Variants in NBEA observed in about 807,000 individuals in gnomAD.
The protein encoded by NBEA is lysosomal-trafficking regulator 2.
Under a neutral mutation model 343.4 loss-of-function variants are expected in NBEA, and 44 were observed. That is an observed-to-expected ratio of 0.13 (90% CI 0.10 to 0.16). The LOEUF (loss-of-function observed/expected upper bound fraction) is 0.16. Among genes scored for constraint, NBEA ranks in the 10% least tolerant of loss-of-function variants. The probability of loss-of-function intolerance (pLI) is 1.00; values close to 1 mark genes in which losing one functional copy is unlikely to be tolerated. For synonymous variants in NBEA, 1,175 were observed against 1,238.7 expected (o/e 0.95, Z 1.08); for missense variants, 2,555 against 3,631.3 (o/e 0.70, Z 7.62).
intron 31 of NBEA, among the ~76,000 whole-genome samples, chr13:35,200,351 G>A (rs890700877): frequency 1.3e-5 from 2 of 149,818 alleles, no homozygotes; most frequent in South Asian, 2.1e-4. Context: ...TTATATATCT[G>A]CATGCTTTTT....
rs538663940 is a variant in NBEA, at chr13:35,667,923, A to G, written c.8661+353A>G. Among the ~76,000 whole-genome samples the G allele has an allele frequency of 9.8e-5, 15 of 152,310 alleles. No individual in the cohort carries two copies. The South Asian group carries it at 2.9e-3, about 29-fold the overall frequency. ...TTCTATCTCTAGAACCCTAAACAAA[A>G]ATTACATATACCCATTTGCCCTTCA... On this transcript the variant is annotated intron_variant, in intron 57 of 58. Transcript: ENST00000379939.
At chr13:35,292,582 T>A (rs1391062528) in intron 35 of NBEA, among the ~76,000 whole-genome samples, 1 of 151,874 alleles carries the variant, frequency 6.6e-6, no homozygotes, top group Non-Finnish European at 1.5e-5. Context: ...AGCTGCAGAG[T>A]TCTGAGTTCT....
intron 55 of NBEA, among the ~76,000 whole-genome samples, chr13:35,657,277 G>A (rs2084857048): frequency 6.6e-6 from 1 of 152,210 alleles, no homozygotes; most frequent in Admixed American, 6.5e-5. Flanking sequence ...ATGCCTCTTG[G>A]CATAGCTACT....
At chr13:35,143,700 A>T (rs543894872) in intron 18 of NBEA, among the ~76,000 whole-genome samples, 3 of 152,092 alleles carry the variant, frequency 2.0e-5, no homozygotes, top group African/African-American at 7.2e-5. Flanking sequence ...AGAAAGGGAG[A>T]TGCTAAGCTT....
rs761636221 is a variant in NBEA, at chr13:35,159,971, C to G, written c.3800C>G (p.Ser1267Cys). ...AGTATAATTTCAGATACTGAAAGGT[C>G]TGACGATGGCAAAGAATCAGGAAAA... ...AGSIISDTERSDDGKESGKEI... is the reference protein window; with the variant it reads ...AGSIISDTERCDDGKESGKEI... The change falls in exon 22 of 59, where the codon TCT becomes TGT. Residue 1267 changes from serine (S) to cysteine (C), a missense_variant. This residue lies in a region of NBEA where 367 missense variants were observed against 377.5 expected (regional missense o/e 0.97). Coordinates refer to ENST00000379939, the MANE Select transcript of NBEA (RefSeq NM_001385012.1). 6.3e-7 allele frequency: 1 copy of G among 1,592,010 alleles called. No individual in the cohort carries two copies. The highest frequency in any genetic ancestry group is 8.5e-7 in the Non-Finnish European group (1 of 1,169,824).
At chr13:35,623,342 G>A (rs1433563460) in intron 48 of NBEA, among the ~76,000 whole-genome samples, 2 of 152,198 alleles carry the variant, frequency 1.3e-5, no homozygotes, top group Admixed American at 1.3e-4. Context: ...TTCAGCTTTA[G>A]ACAAGTTGTT....
rs146974012 is a variant in NBEA at position 34,954,733 on chromosome 13, A to G, written c.294+11619A>G. 3.3e-3 allele frequency among the ~76,000 whole-genome samples: 496 copies of G among 152,310 alleles called. 2 individuals carry two copies. The highest frequency in any genetic ancestry group is 0.011 in the African/African-American group (470 of 41,550). ...AATGAATATCTTCTCATATACTTCA[A>G]ATCATCTCCAGATTACTTATAATAC... On this transcript the variant is annotated intron_variant, in intron 1 of 58. Transcript: ENST00000379939.
chr13:35,031,746 A>G (rs1400517430), intron 1 of NBEA, among the ~76,000 whole-genome samples: 2 of 151,558 alleles, frequency 1.3e-5, no homozygotes, highest in South Asian at 2.1e-4. Context: ...TCACTCGGTT[A>G]TGTATTAAGC....
chr13:35,661,117 G>A (rs139888845), intron 55 of NBEA, among the ~76,000 whole-genome samples: 324 of 152,270 alleles, frequency 2.1e-3, no homozygotes, highest in African/African-American at 7.6e-3. Context: ...TGGGACTAAG[G>A]CTTCAAGAAA....
chr13:35,099,252 G>A (rs1330309693), intron 11 of NBEA, among the ~76,000 whole-genome samples: 31 of 139,978 alleles, frequency 2.2e-4, no homozygotes, highest in African/African-American at 7.2e-4. Flanking sequence ...AGGCTGGAGT[G>A]CACTGGCTCA....
At chr13:35,322,374 T>C (rs1362957448) in intron 36 of NBEA, among the ~76,000 whole-genome samples, 1 of 152,126 alleles carries the variant, frequency 6.6e-6, no homozygotes, top group East Asian at 1.9e-4. Flanking sequence ...CCCTTGTGCT[T>C]CCCAGGTGAG....
intron 38 of NBEA, among the ~76,000 whole-genome samples, chr13:35,387,465 A>G (rs572341209): frequency 1.6e-4 from 24 of 152,230 alleles, no homozygotes; most frequent in African/African-American, 4.8e-4. Context: ...TATATGGTCA[A>G]TAGTAACTTG....
Position 35,424,430 on chromosome 13 carries a change from T to G in NBEA, c.6180-7839T>G, listed in dbSNP as rs138340039. On this transcript the variant is annotated intron_variant, in intron 38 of 58. Transcript: ENST00000379939. ...ATCATTTGGTTTTTGTCTTTGGTTC[T>G]GTTTATATGCTGGATTACATTTATT... Among the ~76,000 whole-genome samples, 1,155 of 152,374 alleles carry G rather than the reference T, an allele frequency of 7.6e-3. 19 individuals carry two copies. The highest frequency in any genetic ancestry group is 0.026 in the African/African-American group (1,100 of 41,594).
At chr13:35,325,663 T>C (rs2038504095) in intron 36 of NBEA, among the ~76,000 whole-genome samples, 1 of 152,028 alleles carries the variant, frequency 6.6e-6, no homozygotes, top group African/African-American at 2.4e-5. Context: ...ATGAAAAAGG[T>C]AATGATTCTC....
intron 30 of NBEA, among the ~76,000 whole-genome samples, chr13:35,191,657 T>C (rs1221153904): frequency 6.6e-6 from 1 of 152,088 alleles, no homozygotes; most frequent in Non-Finnish European, 1.5e-5. Context: ...GTAAGTTAGT[T>C]ACATATAGCT....
Position 35,417,988 on chromosome 13 carries a change from T to C in NBEA, c.6180-14281T>C, listed in dbSNP as rs141394628. On this transcript the variant is annotated intron_variant, in intron 38 of 58. Transcript: ENST00000379939. The stretch of plus-strand genomic sequence containing the variant: ...CTTGTTGAATTGATCCCTTTACCAT[T>C]ATGTAATGACCTTCTTTGTCTCTTT... 1.6e-3 allele frequency among the ~76,000 whole-genome samples: 243 copies of C among 152,324 alleles called. 2 individuals are homozygous for C. Among genetic ancestry groups the C allele is most frequent in the African/African-American group, 5.2e-3 (216 of 41,576 alleles).
At chr13:35,590,091 A>G (rs9315361) in intron 46 of NBEA, among the ~76,000 whole-genome samples, 44,966 of 151,942 alleles carry the variant, frequency 0.3, 6,898 homozygotes, top group South Asian at 0.33. Flanking sequence ...ATTGACAGGT[A>G]GTAGGCAAAT....
intron 1 of NBEA, among the ~76,000 whole-genome samples, chr13:34,960,761 A>G (rs1385753007): frequency 1.3e-5 from 2 of 152,082 alleles, no homozygotes; most frequent in Non-Finnish European, 2.9e-5. Flanking sequence ...TGTTCCATCT[A>G]AGTTTGTCTA....
Position 35,300,197 on chromosome 13 carries a change from G to A in NBEA, c.5839-9331G>A, listed in dbSNP as rs566395156. Reference sequence around the variant, plus strand: ...AAATTAGCCGGGCATAGTGGTGCACGCCTGTAGTCCCAGCCACTCAGGAGG... The same window carrying A: ...AAATTAGCCGGGCATAGTGGTGCACACCTGTAGTCCCAGCCACTCAGGAGG... On this transcript the variant is annotated intron_variant, in intron 35 of 58. Coordinates refer to ENST00000379939, the MANE Select transcript of NBEA (RefSeq NM_001385012.1). Among the ~76,000 whole-genome samples the A allele has an allele frequency of 4.1e-4, 62 of 152,156 alleles. 1 individual carries two copies. The highest frequency in any genetic ancestry group is 1.4e-3 in the African/African-American group (59 of 41,504).
Sources: allele counts gnomAD v4.1 joint callset (sites outside exome capture counted in the v4.1 genomes callset), GRCh38; gene constraint gnomAD v4.1.1; regional missense constraint gnomAD v4.1.1; transcripts MANE v1.5; gene names NCBI Gene and HGNC (gene_info 2026-07-23, HGNC 2026-07-21).